Variants in BTG4 observed in about 807,000 individuals in gnomAD.
BTG4 encodes the protein BTG anti-proliferation factor 4.
Under a neutral mutation model 19.3 loss-of-function variants are expected in BTG4, and 10 were observed. That is an observed-to-expected ratio of 0.52 (90% CI 0.32 to 0.88). BTG4 has a LOEUF of 0.88. BTG4 is among the 40% of genes least tolerant of loss of function. BTG4 has a pLI of 0.04. For synonymous variants in BTG4, 91 were observed against 95.7 expected (o/e 0.95, Z 0.29); for missense variants, 238 against 281.9 (o/e 0.84, Z 1.11).
chr11:111,442,909 G>A, the BTG4 span, among the ~76,000 whole-genome samples: 2 of 152,198 alleles, frequency 1.3e-5, no homozygotes, highest in Non-Finnish European at 2.9e-5. Context: ...GAGGGATAAG[G>A]CAACTGCCCA....
chr11:111,425,811 C>T, the BTG4 span, among the ~76,000 whole-genome samples: 2 of 152,256 alleles, frequency 1.3e-5, no homozygotes, highest in South Asian at 2.1e-4. Context: ...GTGGGAAGAT[C>T]GCTTGAGCTC....
At chr11:111,443,991 C>T in the BTG4 span, among the ~76,000 whole-genome samples, 3 of 152,292 alleles carry the variant, frequency 2.0e-5, no homozygotes, top group Admixed American at 6.5e-5. Context: ...TGTGCCTAAA[C>T]GATGCCTGCT....
At chr11:111,400,597 G>A in the BTG4 span, among the ~76,000 whole-genome samples, 1 of 152,196 alleles carries the variant, frequency 6.6e-6, no homozygotes, top group Non-Finnish European at 1.5e-5. Flanking sequence ...ACATAAGTGA[G>A]GAAAACTCAA....
chr11:111,442,010 G>T, the BTG4 span, among the ~76,000 whole-genome samples: 89,216 of 151,768 alleles, frequency 0.59, 26,705 homozygotes, highest in East Asian at 0.75. Context: ...AGTGAGCCGA[G>T]ATCGCACCAG....
the BTG4 span, among the ~76,000 whole-genome samples, chr11:111,446,624 AAC>A: frequency 0.044 from 6,481 of 146,298 alleles, 200 homozygotes; most frequent in Middle Eastern, 0.1. Flanking sequence ...GACACCAATA[AAC>A]ACACACACAC....
the BTG4 span, among the ~76,000 whole-genome samples, chr11:111,407,822 G>A: frequency 6.6e-6 from 1 of 152,222 alleles, no homozygotes; most frequent in Non-Finnish European, 1.5e-5. Context: ...GTAACTTGCA[G>A]GGCAGTTCCA....
At chr11:111,485,581 G>A (rs2135594692) in intron 5 of BTG4, among the ~76,000 whole-genome samples, 1 of 152,036 alleles carries the variant, frequency 6.6e-6, no homozygotes, top group South Asian at 2.1e-4. Flanking sequence ...CAAAACCAAT[G>A]GAATACAGCA....
chr11:111,436,329 A>G, the BTG4 span, among the ~76,000 whole-genome samples: 1 of 152,060 alleles, frequency 6.6e-6, no homozygotes, highest in South Asian at 2.1e-4. Context: ...TAAATGGGGG[A>G]CTTTTGGACA....
chr11:111,426,767 C>G, the BTG4 span, among the ~76,000 whole-genome samples: 4 of 152,226 alleles, frequency 2.6e-5, no homozygotes, highest in Non-Finnish European at 5.9e-5. Context: ...CCCTGTATCA[C>G]ACTGCATCAG....
chr11:111,438,074 G>A, the BTG4 span, among the ~76,000 whole-genome samples: 4 of 152,158 alleles, frequency 2.6e-5, no homozygotes, highest in African/African-American at 9.7e-5. Flanking sequence ...CTGTTATTAA[G>A]GGCTGAGAAG....
chr11:111,384,456 G>T, the BTG4 span, among the ~76,000 whole-genome samples: 1 of 152,024 alleles, frequency 6.6e-6, no homozygotes, highest in Non-Finnish European at 1.5e-5. Context: ...CTAAGAAAAA[G>T]AATATATTTA....
intron 5 of BTG4, among the ~76,000 whole-genome samples, chr11:111,483,249 T>C (rs1052774960): frequency 6.6e-6 from 1 of 152,174 alleles, no homozygotes; most frequent in African/African-American, 2.4e-5. Context: ...TGGAAAGCCT[T>C]CTCAAGAAGG....
At chr11:111,511,485 T>C (rs899190332) in intron 1 of BTG4, among the ~76,000 whole-genome samples, 3 of 152,206 alleles carry the variant, frequency 2.0e-5, no homozygotes, top group African/African-American at 7.2e-5. Context: ...GGTGGGAAGT[T>C]TTCTTTTGCA....
chr11:111,384,138 T>C, the BTG4 span, among the ~76,000 whole-genome samples: 2 of 152,206 alleles, frequency 1.3e-5, no homozygotes, highest in Non-Finnish European at 2.9e-5. Flanking sequence ...ATAGTCTTTC[T>C]AGGTAGAAGA....
the BTG4 span, chr11:111,384,822 A>G: frequency 6.6e-6 from 1 of 152,174 alleles, no homozygotes; most frequent in African/African-American, 2.4e-5. Context: ...AAAACAAAAT[A>G]TCTTTAAAAT....
At chr11:111,504,421 C>A (rs1866303655) in intron 1 of BTG4, among the ~76,000 whole-genome samples, 1 of 152,046 alleles carries the variant, frequency 6.6e-6, no homozygotes, top group Non-Finnish European at 1.5e-5. Context: ...AATAAAATTC[C>A]TTTACCAATA....
At chr11:111,513,427 A>AT (rs758070587), upstream of BTG4, 2 of 534,284 alleles carry the variant, frequency 3.7e-6, no homozygotes, top group South Asian at 2.8e-5. Flanking sequence ...TGAGACTGCA[A>AT]TTTTTTCTAT....
chr11:111,432,238 G>A, the BTG4 span, among the ~76,000 whole-genome samples: 15 of 152,192 alleles, frequency 9.9e-5, no homozygotes, highest in Non-Finnish European at 1.8e-4. Context: ...GTGGAGCCAC[G>A]TGAAGGAGTT....
intron 1 of BTG4, among the ~76,000 whole-genome samples, chr11:111,504,571 G>A (rs1210726245): frequency 6.6e-6 from 1 of 151,822 alleles, no homozygotes; most frequent in East Asian, 1.9e-4. Context: ...TTTCAAGTTA[G>A]AAACCAAGAT....
Sources: gnomAD v4.1 joint callset for allele counts (sites outside exome capture counted in the v4.1 genomes callset) on GRCh38, gnomAD v4.1.1 for gene constraint, MANE v1.5 for transcripts, NCBI Gene and HGNC (gene_info 2026-07-23, HGNC 2026-07-21) for gene names.